The following PREP variants were observed in gnomAD, a reference collection of about 807,000 sequenced individuals.
PREP encodes dJ355L5.1 (prolyl endopeptidase).
In PREP, 29 loss-of-function variants were observed where a neutral mutation model predicts 87.6. That is an observed-to-expected ratio of 0.33 (90% CI 0.25 to 0.45). The LOEUF (loss-of-function observed/expected upper bound fraction) is 0.45. Among genes scored for constraint, PREP ranks in the 20% least tolerant of loss-of-function variants. The pLI, the probability that PREP is intolerant of heterozygous loss-of-function variation, is 1.00. For missense variants in PREP, 695 were observed against 886.5 expected (o/e 0.78, Z 2.74); for synonymous variants, 337 against 328.6 (o/e 1.03, Z -0.28).
At chr6:105,349,746 G>A (rs1038720119) in intron 7 of PREP, among the ~76,000 whole-genome samples, 2 of 152,052 alleles carry the variant, frequency 1.3e-5, no homozygotes, top group Non-Finnish European at 2.9e-5. Flanking sequence ...ATATGAAATT[G>A]GAGGTTTCAC....
At chr6:105,328,709 T>C (rs1047996163) in intron 9 of PREP, 120 bp downstream of exon 9, 3 of 1,051,886 alleles carry the variant, frequency 2.9e-6, no homozygotes, top group Non-Finnish European at 4.2e-6. Flanking sequence ...TTAAGTAATT[T>C]TGGCTATAAT....
intron 6 of PREP, among the ~76,000 whole-genome samples, chr6:105,354,578 G>A (rs930871076): frequency 4.6e-5 from 7 of 151,542 alleles, no homozygotes; most frequent in East Asian, 3.9e-4. Flanking sequence ...AGAGTAAAGC[G>A]GACCACCCTC....
chr6:105,316,805 G>C (rs1188493345), intron 10 of PREP, among the ~76,000 whole-genome samples: 1 of 152,010 alleles, frequency 6.6e-6, no homozygotes, highest in African/African-American at 2.4e-5. Flanking sequence ...ATAAATTTGT[G>C]GTCCCTCATT....
intron 10 of PREP, among the ~76,000 whole-genome samples, chr6:105,318,089 T>C (rs1438619988): frequency 6.6e-6 from 1 of 152,232 alleles, no homozygotes; most frequent in African/African-American, 2.4e-5. Flanking sequence ...CAAAGGCCTT[T>C]TTTTGCCTTG....
chr6:105,334,371 T>C (rs1175172691), intron 7 of PREP, among the ~76,000 whole-genome samples: 4 of 152,214 alleles, frequency 2.6e-5, no homozygotes, highest in Non-Finnish European at 5.9e-5. Flanking sequence ...ACCCAGTTTG[T>C]TTCTTCACAG....
chr6:105,287,443 A>C (rs534990145), intron 11 of PREP, among the ~76,000 whole-genome samples: 29 of 152,038 alleles, frequency 1.9e-4, no homozygotes, highest in African/African-American at 7.0e-4. Context: ...TTACACAAAA[A>C]CCTCCCATCA....
chr6:105,316,293 G>A (rs564036361), intron 10 of PREP, among the ~76,000 whole-genome samples: 2 of 152,278 alleles, frequency 1.3e-5, no homozygotes, highest in East Asian at 1.9e-4. Flanking sequence ...GGAATAGGGC[G>A]GTCTGACGAG....
At chr6:105,297,588 G>A (rs1770435646) in intron 10 of PREP, among the ~76,000 whole-genome samples, 1 of 152,164 alleles carries the variant, frequency 6.6e-6, no homozygotes, top group Non-Finnish European at 1.5e-5. Context: ...TGTCCACTGT[G>A]CACACAGTTC....
chr6:105,397,674 T>C (rs1195728769), intron 2 of PREP, among the ~76,000 whole-genome samples, 179 bp downstream of exon 2: 1 of 152,218 alleles, frequency 6.6e-6, no homozygotes, highest in Non-Finnish European at 1.5e-5. Context: ...GACTAAGCCA[T>C]GCTTTTGTCT....
At chr6:105,286,973 T>C (rs1583035889) in intron 11 of PREP, among the ~76,000 whole-genome samples, 1 of 42,394 alleles carries the variant, frequency 2.4e-5, no homozygotes, top group African/African-American at 9.6e-5. Flanking sequence ...CATTGTCCAC[T>C]GATGAAACAC....
At chr6:105,375,842 G>A (rs1772673221) in intron 4 of PREP, among the ~76,000 whole-genome samples, 1 of 152,198 alleles carries the variant, frequency 6.6e-6, no homozygotes. Flanking sequence ...AGGAAATGAT[G>A]ATGATATGTC....
At chr6:105,330,261 A>C (rs550837228) in intron 8 of PREP, among the ~76,000 whole-genome samples, 2 of 152,194 alleles carry the variant, frequency 1.3e-5, no homozygotes, top group Admixed American at 6.5e-5. Flanking sequence ...AATGCAGAAC[A>C]ATGGAAGTCT....
chr6:105,289,470 A>T (rs1430323733), intron 10 of PREP, among the ~76,000 whole-genome samples: 1 of 152,246 alleles, frequency 6.6e-6, no homozygotes, highest in African/African-American at 2.4e-5. Flanking sequence ...AAAGTTGATG[A>T]GGAAAATCAT....
chr6:105,346,373 C>T (rs947642295), intron 7 of PREP, among the ~76,000 whole-genome samples: 1 of 152,166 alleles, frequency 6.6e-6, no homozygotes, highest in African/African-American at 2.4e-5. Context: ...TGCTAAATAC[C>T]AGATTTCCTT....
At chr6:105,308,228 T>C (rs1314082705) in intron 10 of PREP, among the ~76,000 whole-genome samples, 1 of 152,110 alleles carries the variant, frequency 6.6e-6, no homozygotes, top group Non-Finnish European at 1.5e-5. Flanking sequence ...AGAATGAAGA[T>C]TTGACCGTCC....
chr6:105,361,493 T>G (rs1457088500), intron 6 of PREP, among the ~76,000 whole-genome samples: 1 of 152,170 alleles, frequency 6.6e-6, no homozygotes, highest in East Asian at 1.9e-4. Context: ...TTTTCATTAT[T>G]TGAATCTACA....
intron 6 of PREP, among the ~76,000 whole-genome samples, chr6:105,364,701 G>A (rs1294592282): frequency 2.0e-5 from 3 of 152,148 alleles, no homozygotes; most frequent in Non-Finnish European, 4.4e-5. Flanking sequence ...AGCTGAAAAA[G>A]CCCTGGAAGA....
rs765400210 is a variant in PREP, at chr6:105,333,399, G to C, written c.930C>G (p.Asn310Lys). Residue 310 changes from asparagine to lysine, a missense_variant, in exon 8 of 15, where the codon AAC becomes AAG. Asn to Lys is a moderately conservative substitution (Grantham distance 94). Transcript: ENST00000652536. Reference protein sequence around the residue: ...FTFKTNRQSPNYRVINIDFRD... With the variant: ...FTFKTNRQSPKYRVINIDFRD... ...TGAAGTCAATGTTGATCACGCGATAGTTGGGAGACTGGCGATTCGTCTTGA... is the reference window on the plus strand; with the variant it reads ...TGAAGTCAATGTTGATCACGCGATACTTGGGAGACTGGCGATTCGTCTTGA... 20 of 1,614,072 alleles carry C rather than the reference G, an allele frequency of 1.2e-5. No homozygotes were observed. In the East Asian group the frequency reaches 4.5e-4, roughly 36 times the overall value.
intron 10 of PREP, among the ~76,000 whole-genome samples, chr6:105,318,863 C>T (rs780424144): frequency 2.0e-5 from 3 of 152,294 alleles, no homozygotes; most frequent in Middle Eastern, 3.4e-3. Context: ...GTCAGCTCAC[C>T]AAGGATGTGG....
Sources: allele counts gnomAD v4.1 joint callset (sites outside exome capture counted in the v4.1 genomes callset), GRCh38; gene constraint gnomAD v4.1.1; transcripts MANE v1.5; gene names NCBI Gene and HGNC (gene_info 2026-07-23, HGNC 2026-07-21).